PDE4D: variants seen among roughly 807,000 people sequenced by gnomAD.
The protein encoded by PDE4D is 3',5'-cyclic-AMP phosphodiesterase 4D.
Under a neutral mutation model 87.4 loss-of-function variants are expected in PDE4D, and 24 were observed. That is an observed-to-expected ratio of 0.27 (90% confidence interval 0.20 to 0.39). The LOEUF (loss-of-function observed/expected upper bound fraction) is 0.39, where lower values mean the gene tolerates loss of function less well. Among genes scored for constraint, PDE4D ranks in the 10% least tolerant of loss-of-function variants. The pLI is 1.00. For synonymous variants in PDE4D, 384 were observed against 383.2 expected (o/e 1.00, Z -0.02); for missense variants, 714 against 1,041.0 (o/e 0.69, Z 4.32).
At chr5:59,323,687 A>G in intron 1 of PDE4D, among the ~76,000 whole-genome samples, 1 of 151,812 alleles carries the variant, frequency 6.6e-6, no homozygotes, top group South Asian at 2.1e-4. Context: ...AAAGCCCTTC[A>G]CCACTCTTTC....
At chr5:60,134,532 T>C (rs1313521143) in intron 2 of PDE4D, among the ~76,000 whole-genome samples, 3 of 152,142 alleles carry the variant, frequency 2.0e-5, no homozygotes. Flanking sequence ...AACAAAAAAC[T>C]ATTATACAGT....
intron 1 of PDE4D, among the ~76,000 whole-genome samples, chr5:60,327,871 A>G (rs536166369): frequency 8.5e-5 from 13 of 152,098 alleles, no homozygotes; most frequent in Non-Finnish European, 1.3e-4. Context: ...TATATTCAGT[A>G]TATGAAAATT....
intron 5 of PDE4D, among the ~76,000 whole-genome samples, chr5:59,172,157 A>G (rs1318048994): frequency 2.0e-5 from 2 of 101,798 alleles, no homozygotes; most frequent in Admixed American, 3.1e-4. Flanking sequence ...TATTATATAT[A>G]TTTATATAAT....
At chr5:59,014,017 A>G (rs1223635648) in intron 6 of PDE4D, among the ~76,000 whole-genome samples, 1 of 152,234 alleles carries the variant, frequency 6.6e-6, no homozygotes, top group Non-Finnish European at 1.5e-5. Flanking sequence ...AACGTAATCC[A>G]TCATATAAAC....
chr5:60,106,005 C>T (rs1776862617), intron 2 of PDE4D, among the ~76,000 whole-genome samples: 1 of 152,140 alleles, frequency 6.6e-6, no homozygotes, highest in African/African-American at 2.4e-5. Context: ...TCACACATAA[C>T]AATATTAACT....
chr5:60,354,718 T>C (rs1389654477), intron 1 of PDE4D, among the ~76,000 whole-genome samples: 2 of 152,196 alleles, frequency 1.3e-5, no homozygotes, highest in African/African-American at 4.8e-5. Context: ...TAGGACGTTT[T>C]TCTGGCTCAA....
rs73761032 is a variant in PDE4D, at chr5:59,882,207, G to A, written c.455+10961C>T. Among the ~76,000 whole-genome samples the A allele has an allele frequency of 8.6e-3, 1,310 of 152,200 alleles. 21 individuals are homozygous for A. Among genetic ancestry groups the A allele is most frequent in the African/African-American group, 0.03 (1,244 of 41,514 alleles). ...TAAGAACAGGGTATTTATCCATGTT[G>A]GATGATCTTTCTTCAGTGTCTGTAG... On this transcript the variant is annotated intron_variant, in intron 1 of 14. Transcript: ENST00000340635.
At chr5:60,451,470 T>A (rs1463369351) in intron 1 of PDE4D, among the ~76,000 whole-genome samples, 1 of 152,094 alleles carries the variant, frequency 6.6e-6, no homozygotes, top group Non-Finnish European at 1.5e-5. Context: ...CAGCAAGCAA[T>A]ATATTCATAA....
intron 1 of PDE4D, among the ~76,000 whole-genome samples, chr5:60,228,317 TA>T (rs1313903355): frequency 6.6e-6 from 1 of 152,114 alleles, no homozygotes; most frequent in Non-Finnish European, 1.5e-5. Context: ...ATACAGAAGA[TA>T]TTTTTCAGAG....
chr5:59,893,070 G>C, intron 1 of PDE4D, 98 bp downstream of exon 1: 2 of 1,232,990 alleles, frequency 1.6e-6, no homozygotes, highest in Non-Finnish European at 2.3e-6. Flanking sequence ...TTTACCCTGG[G>C]TCTAGAATTG....
chr5:60,047,299 T>C (rs1769405634), intron 2 of PDE4D, among the ~76,000 whole-genome samples: 1 of 152,188 alleles, frequency 6.6e-6, no homozygotes, highest in African/African-American at 2.4e-5. Flanking sequence ...TCAATTTTGT[T>C]GATCCTTTCA....
chr5:60,517,659 CTT>C (rs112707784), intron 1 of PDE4D, among the ~76,000 whole-genome samples: 13,702 of 152,014 alleles, frequency 0.09, 1,365 homozygotes, highest in African/African-American at 0.25. Flanking sequence ...TCTCCTCTCT[CTT>C]GAGAGCTGCA....
intron 1 of PDE4D, among the ~76,000 whole-genome samples, chr5:59,800,381 A>C (rs2152664292): frequency 6.6e-6 from 1 of 152,288 alleles, no homozygotes; most frequent in Non-Finnish European, 1.5e-5. Context: ...ATCAGGGAAA[A>C]TAATTGATCA....
intron 1 of PDE4D, among the ~76,000 whole-genome samples, chr5:60,434,663 G>A (rs1744623442): frequency 6.6e-6 from 1 of 152,052 alleles, no homozygotes; most frequent in Admixed American, 6.6e-5. Context: ...AAGCTCATAG[G>A]CATCCTAATG....
intron 1 of PDE4D, among the ~76,000 whole-genome samples, chr5:59,584,666 T>A (rs1583220131): frequency 1.3e-5 from 2 of 152,202 alleles, no homozygotes; most frequent in African/African-American, 4.8e-5. Context: ...GTGCTTATAA[T>A]TGCAGGCATT....
intron 1 of PDE4D, among the ~76,000 whole-genome samples, chr5:59,719,353 C>G (rs1420606514): frequency 6.6e-6 from 1 of 152,078 alleles, no homozygotes; most frequent in Non-Finnish European, 1.5e-5. Flanking sequence ...TATAGTATTT[C>G]CACGACACAG....
At chr5:60,043,110 A>T (rs950861887) in intron 2 of PDE4D, among the ~76,000 whole-genome samples, 6 of 151,970 alleles carry the variant, frequency 3.9e-5, no homozygotes, top group African/African-American at 1.5e-4. Context: ...AAACGACCTG[A>T]TGGAGCTGAA....
intron 1 of PDE4D, among the ~76,000 whole-genome samples, chr5:59,268,328 C>CT (rs1230015987): frequency 1.3e-5 from 2 of 152,190 alleles, no homozygotes; most frequent in Admixed American, 6.6e-5. Context: ...ACTTTCCATA[C>CT]TTTTGAAATG....
chr5:60,205,657 G>A (rs1200673487), intron 1 of PDE4D, among the ~76,000 whole-genome samples: 1 of 151,996 alleles, frequency 6.6e-6, no homozygotes, highest in Non-Finnish European at 1.5e-5. Context: ...AGGCCAAGGC[G>A]GGTGGATCAC....
Sources: gnomAD v4.1 joint callset for allele counts (sites outside exome capture counted in the v4.1 genomes callset) on GRCh38, gnomAD v4.1.1 for gene constraint, MANE v1.5 for transcripts, NCBI Gene and HGNC (gene_info 2026-07-23, HGNC 2026-07-21) for gene names.